Variants in SLC24A2 observed in about 807,000 individuals in gnomAD.
SLC24A2 encodes sodium/potassium/calcium exchanger 2.
A neutral mutation model predicts 62.0 loss-of-function variants in SLC24A2; 36 were observed. The observed-to-expected ratio is 0.58, with a 90% CI of 0.44 to 0.77. The LOEUF is 0.77. SLC24A2 is among the 30% of genes least tolerant of loss of function. The pLI, the probability that SLC24A2 is intolerant of heterozygous loss-of-function variation, is 0.00. For missense variants in SLC24A2, 846 were observed against 817.9 expected (o/e 1.03, Z -0.42); for synonymous variants, 358 against 294.0 (o/e 1.22, Z -2.23).
intron 2 of SLC24A2, among the ~76,000 whole-genome samples, chr9:19,690,333 G>A (rs902076492): frequency 6.6e-6 from 1 of 152,128 alleles, no homozygotes; most frequent in Non-Finnish European, 1.5e-5. Flanking sequence ...GAGGATGCAT[G>A]ACTCAGGCTC....
intron 4 of SLC24A2, among the ~76,000 whole-genome samples, chr9:19,612,702 C>T (rs969650348): frequency 3.9e-5 from 6 of 152,084 alleles, no homozygotes; most frequent in Non-Finnish European, 1.5e-5. Flanking sequence ...ATTCACTGCT[C>T]ATAGTTCTTT....
At position 19,547,737 on chromosome 9, in the gene SLC24A2, C is replaced by T. The variant is rs558819658; in HGVS notation, c.1479+2400G>A. Reference sequence around the variant, plus strand: ...CTTCTGGGGGCCACACCACATGAGGCCCCTTTTGGGAATTTAGAAAACTGT... The same window carrying T: ...CTTCTGGGGGCCACACCACATGAGGTCCCTTTTGGGAATTTAGAAAACTGT... On this transcript the variant is annotated intron_variant, in intron 8 of 10. Coordinates refer to ENST00000341998, the MANE Select transcript of SLC24A2 (RefSeq NM_020344.4). 2.0e-5 allele frequency among the ~76,000 whole-genome samples: 3 copies of T among 151,572 alleles called. No homozygotes were observed. In the South Asian group the frequency reaches 6.2e-4, roughly 31 times the overall value.
At chr9:19,891,585 T>C in the SLC24A2 span, among the ~76,000 whole-genome samples, 19 of 152,160 alleles carry the variant, frequency 1.2e-4, no homozygotes, top group Admixed American at 9.2e-4. Context: ...CTCTTTTAAA[T>C]TACCAGCTCT....
At chr9:20,292,637 G>A in the SLC24A2 span, among the ~76,000 whole-genome samples, 280 of 152,218 alleles carry the variant, frequency 1.8e-3, 1 homozygote, top group Non-Finnish European at 3.4e-3. Context: ...ATAGTATCTC[G>A]TTCTGTCACT....
chr9:20,051,657 C>CTCTCTTTT, the SLC24A2 span, among the ~76,000 whole-genome samples: 3 of 73,514 alleles, frequency 4.1e-5, no homozygotes, highest in African/African-American at 1.8e-4. Flanking sequence ...TTTTCTTTCT[C>CTCTCTTTT]TTTTTTTTTT....
At chr9:19,870,674 A>T in the SLC24A2 span, among the ~76,000 whole-genome samples, 4 of 151,924 alleles carry the variant, frequency 2.6e-5, no homozygotes, top group Non-Finnish European at 5.9e-5. Flanking sequence ...AGTACTTGTT[A>T]TTTTCCGTTT....
At chr9:20,269,657 C>T in the SLC24A2 span, among the ~76,000 whole-genome samples, 1 of 152,168 alleles carries the variant, frequency 6.6e-6, no homozygotes, top group South Asian at 2.1e-4. Flanking sequence ...AGAAGTACAA[C>T]CTGCTCCCCC....
At chr9:20,152,776 T>G in the SLC24A2 span, among the ~76,000 whole-genome samples, 4 of 151,860 alleles carry the variant, frequency 2.6e-5, no homozygotes, top group African/African-American at 9.7e-5. Context: ...CTCCTTCCTC[T>G]TCCCTGAAAT....
the SLC24A2 span, among the ~76,000 whole-genome samples, chr9:20,042,241 T>G: frequency 6.6e-6 from 1 of 152,280 alleles, no homozygotes; most frequent in South Asian, 2.1e-4. Flanking sequence ...GAAGAAATGG[T>G]GGACATTTGT....
At chr9:20,267,375 C>T in the SLC24A2 span, among the ~76,000 whole-genome samples, 1 of 152,180 alleles carries the variant, frequency 6.6e-6, no homozygotes, top group Non-Finnish European at 1.5e-5. Context: ...CCGGATCCCC[C>T]TGAAAACTCA....
intron 2 of SLC24A2, among the ~76,000 whole-genome samples, chr9:19,704,956 C>A (rs1409282347): frequency 3.3e-5 from 5 of 152,052 alleles, no homozygotes; most frequent in Non-Finnish European, 5.9e-5. Context: ...GGGAATATTC[C>A]AGCAATGTCA....
chr9:20,057,558 T>C, the SLC24A2 span, among the ~76,000 whole-genome samples: 1 of 152,328 alleles, frequency 6.6e-6, no homozygotes, highest in Admixed American at 6.5e-5. Flanking sequence ...ATGTTCACAT[T>C]TGTCCCATCA....
the SLC24A2 span, among the ~76,000 whole-genome samples, chr9:20,044,155 T>A: frequency 6.6e-6 from 1 of 152,284 alleles, no homozygotes; most frequent in South Asian, 2.1e-4. Context: ...ATTGTGTATA[T>A]TTTGAAACAC....
At chr9:20,210,166 G>T in the SLC24A2 span, among the ~76,000 whole-genome samples, 1 of 152,112 alleles carries the variant, frequency 6.6e-6, no homozygotes, top group African/African-American at 2.4e-5. Flanking sequence ...AGGGATAAAA[G>T]ACCTGCTGTG....
At chr9:19,529,892 G>C (rs1432109977) in intron 8 of SLC24A2, among the ~76,000 whole-genome samples, 1 of 151,642 alleles carries the variant, frequency 6.6e-6, no homozygotes, top group African/African-American at 2.4e-5. Context: ...TGGAATTACA[G>C]GCACCTGCCA....
the SLC24A2 span, among the ~76,000 whole-genome samples, chr9:19,900,929 A>C: frequency 6.6e-6 from 1 of 152,228 alleles, no homozygotes; most frequent in East Asian, 1.9e-4. Flanking sequence ...ACAGGTAGAC[A>C]ACAAACTCAA....
chr9:20,143,583 CTG>C, the SLC24A2 span, among the ~76,000 whole-genome samples: 2 of 152,158 alleles, frequency 1.3e-5, no homozygotes, highest in African/African-American at 4.8e-5. Context: ...TCTCCCATGT[CTG>C]TTTCTGCTTC....
At chr9:20,061,525 G>A in the SLC24A2 span, among the ~76,000 whole-genome samples, 1 of 152,106 alleles carries the variant, frequency 6.6e-6, no homozygotes, top group African/African-American at 2.4e-5. Flanking sequence ...GACCTCAAAT[G>A]ATCCACCTGC....
the SLC24A2 span, among the ~76,000 whole-genome samples, chr9:20,260,267 G>A: frequency 6.6e-6 from 1 of 152,098 alleles, no homozygotes; most frequent in African/African-American, 2.4e-5. Context: ...GCCAAATACT[G>A]GCATCTCAAT....
Sources: gnomAD v4.1 joint callset for allele counts (sites outside exome capture counted in the v4.1 genomes callset) on GRCh38, gnomAD v4.1.1 for gene constraint, MANE v1.5 for transcripts, NCBI Gene and HGNC (gene_info 2026-07-23, HGNC 2026-07-21) for gene names.